Variants in MAST2 observed in about 807,000 individuals in gnomAD.
The protein encoded by MAST2 is microtubule-associated serine/threonine-protein kinase 2.
MAST2 carries 70 observed loss-of-function variants against 147.4 expected under a neutral mutation model. The observed-to-expected ratio is 0.47, with a 90% CI of 0.39 to 0.58. MAST2 has a LOEUF of 0.58. Among genes scored for constraint, MAST2 ranks in the 20% least tolerant of loss-of-function variants. MAST2 has a pLI of 0.00. For missense variants in MAST2, 2,080 were observed against 2,302.3 expected (o/e 0.90, Z 1.98); for synonymous variants, 869 against 896.8 (o/e 0.97, Z 0.55).
chr1:45,939,983 T>TTTTTTTG (rs1656951986), intron 4 of MAST2, among the ~76,000 whole-genome samples: 1 of 79,640 alleles, frequency 1.3e-5, no homozygotes, highest in East Asian at 2.6e-4. Flanking sequence ...ATTTAGGGTT[T>TTTTTTTG]TTTTTTTTTT....
intron 5 of MAST2, among the ~76,000 whole-genome samples, chr1:45,968,164 A>G (rs1319505642): frequency 1.3e-5 from 2 of 152,180 alleles, no homozygotes; most frequent in African/African-American, 4.8e-5. Flanking sequence ...AATTTAAAAC[A>G]CTTCTGGTCT....
At position 45,991,491 on chromosome 1, in the gene MAST2, C is replaced by T. The variant is rs747124667; in HGVS notation, c.593-6233C>T. The stretch of plus-strand genomic sequence containing the variant: ...AATTGCTTATAATTAACATTTTAGT[C>T]ATATTGAGTCTTCCATTATGATCAT... On this transcript the variant is annotated intron_variant, in intron 5 of 28. Coordinates refer to ENST00000361297, the MANE Select transcript of MAST2 (RefSeq NM_015112.3). Among the ~76,000 whole-genome samples, 3 of 152,314 alleles carry T rather than the reference C, an allele frequency of 2.0e-5. No individual in the cohort carries two copies. The Middle Eastern group carries it at 0.01, about 518-fold the overall frequency.
At chr1:45,883,062 G>A (rs1374714007) in intron 4 of MAST2, among the ~76,000 whole-genome samples, 1 of 152,004 alleles carries the variant, frequency 6.6e-6, no homozygotes, top group East Asian at 1.9e-4. Context: ...TCTCTGTGTT[G>A]GGGCCCAAAA....
chr1:45,951,565 A>G (rs1304340250), intron 4 of MAST2, among the ~76,000 whole-genome samples: 5 of 152,218 alleles, frequency 3.3e-5, no homozygotes, highest in Non-Finnish European at 7.3e-5. Context: ...CCTGGGTGAC[A>G]GAGTGATCCC....
chr1:45,946,753 C>T (rs1302272028), intron 4 of MAST2, among the ~76,000 whole-genome samples: 6 of 152,052 alleles, frequency 3.9e-5, no homozygotes, highest in Non-Finnish European at 8.8e-5. Flanking sequence ...CTCAAGATAG[C>T]GCTCTCTTTA....
intron 3 of MAST2, among the ~76,000 whole-genome samples, chr1:45,862,373 A>G (rs1363022974): frequency 6.6e-6 from 1 of 152,182 alleles, no homozygotes; most frequent in Non-Finnish European, 1.5e-5. Flanking sequence ...TTGGAAGGTT[A>G]AGTTACAATA....
At position 45,930,103 on chromosome 1, in the gene MAST2, G is replaced by A. The variant is rs566654471; in HGVS notation, c.501-29283G>A. ...TCCTAAAGGATGAAGTTTGTTTTGA[G>A]GGGGGATGGAATTTCTCTGTCGCCC... On this transcript the variant is annotated intron_variant, in intron 4 of 28. Coordinates refer to ENST00000361297, the MANE Select transcript of MAST2 (RefSeq NM_015112.3). 2.0e-4 allele frequency among the ~76,000 whole-genome samples: 30 copies of A among 151,098 alleles called. No homozygotes were observed. In the East Asian group the frequency reaches 4.8e-3, roughly 24 times the overall value.
intron 5 of MAST2, among the ~76,000 whole-genome samples, chr1:45,961,387 A>C (rs1413811224): frequency 2.0e-5 from 3 of 152,222 alleles, no homozygotes; most frequent in South Asian, 4.1e-4. Context: ...TTGCACAACT[A>C]ATGTGAGTAC....
chr1:45,889,655 G>T (rs1374895293), intron 4 of MAST2, among the ~76,000 whole-genome samples: 1 of 151,996 alleles, frequency 6.6e-6, no homozygotes, highest in Non-Finnish European at 1.5e-5. Context: ...TGCCAGGCTG[G>T]AGTACAGTGA....
rs116448769 is a variant in MAST2 at position 45,890,486 on chromosome 1, A to G, written c.500+8091A>G. On this transcript the variant is annotated intron_variant, in intron 4 of 28. Transcript: ENST00000361297. ...TACACCAGCCTGAGGATAGGGGCAT[A>G]GATCTGTCTCTTCTTCTTTTTCTTC... Among the ~76,000 whole-genome samples the G allele has an allele frequency of 9.3e-3, 1,414 of 152,264 alleles. 15 individuals are homozygous for G. Among genetic ancestry groups the G allele is most frequent in the African/African-American group, 0.029 (1,204 of 41,548 alleles).
intron 12 of MAST2, 108 bp from the exon 13 acceptor site, chr1:46,022,801 GC>G: frequency 1.2e-6 from 1 of 820,156 alleles, no homozygotes; most frequent in South Asian, 1.4e-5. Flanking sequence ...CTAGGCTGAT[GC>G]AAAAAGCATT....
rs1454320390 is a variant in MAST2, at chr1:46,030,613, A to G, written c.2560A>G (p.Ser854Gly). 2 of 1,609,222 alleles carry G rather than the reference A, an allele frequency of 1.2e-6. No individual in the cohort carries two copies. Among genetic ancestry groups the G allele is most frequent in the Non-Finnish European group, 1.7e-6 (2 of 1,178,596 alleles). ...SCSPRFNKVYSSMERLSLLEE... is the reference protein window; with the variant it reads ...SCSPRFNKVYGSMERLSLLEE... ...GCATCCCCTGTGCCCACAGGTGTAC[A>G]GCAGCATGGAGCGGCTCTCACTGCT... The change falls in exon 22 of 29, where the codon AGC (serine) becomes GGC (glycine). Residue 854 changes from serine (S) to glycine (G), a missense_variant. Ser to Gly is a moderately conservative substitution (Grantham distance 56). This residue lies in a region of MAST2 where 1,278 missense variants were observed against 1,304.2 expected (regional missense o/e 0.98). Coordinates refer to ENST00000361297, the MANE Select transcript of MAST2 (RefSeq NM_015112.3).
chr1:45,965,675 G>A (rs747698233), intron 5 of MAST2, among the ~76,000 whole-genome samples: 1 of 151,934 alleles, frequency 6.6e-6, no homozygotes, highest in African/African-American at 2.4e-5. Flanking sequence ...TGTCAGTTCA[G>A]TAGGTACATA....
chr1:45,870,508 A>G (rs1646340151), intron 3 of MAST2, among the ~76,000 whole-genome samples: 1 of 134,156 alleles, frequency 7.5e-6, no homozygotes, highest in Admixed American at 7.6e-5. Flanking sequence ...ATTGAGATCA[A>G]TTTGTTTATA....
chr1:45,962,705 C>G (rs1233464663), intron 5 of MAST2, among the ~76,000 whole-genome samples: 1 of 152,026 alleles, frequency 6.6e-6, no homozygotes, highest in East Asian at 1.9e-4. Context: ...CAAAAATTTT[C>G]TCCCATTCTA....
At chr1:45,932,853 C>G (rs1655537665) in intron 4 of MAST2, among the ~76,000 whole-genome samples, 1 of 152,074 alleles carries the variant, frequency 6.6e-6, no homozygotes, top group Non-Finnish European at 1.5e-5. Context: ...TTGAGAACTA[C>G]GTAACTTTCT....
intron 4 of MAST2, chr1:45,913,468 A>G: frequency 2.2e-6 from 1 of 460,990 alleles, no homozygotes; most frequent in Non-Finnish European, 2.9e-6. Flanking sequence ...GGAGGTTGCA[A>G]CTGATTTGTG....
chr1:45,815,510 G>A (rs1644425113), intron 1 of MAST2, among the ~76,000 whole-genome samples: 1 of 152,036 alleles, frequency 6.6e-6, no homozygotes. Flanking sequence ...GTTTTGAAAA[G>A]CAGAGGATTT....
chr1:45,833,745 G>A (rs1048806643), intron 3 of MAST2, among the ~76,000 whole-genome samples: 5 of 151,860 alleles, frequency 3.3e-5, no homozygotes. Flanking sequence ...GTGTCTATTT[G>A]GATTATTGGC....
Sources: allele counts gnomAD v4.1 joint callset (sites outside exome capture counted in the v4.1 genomes callset), GRCh38; gene constraint gnomAD v4.1.1; regional missense constraint gnomAD v4.1.1; transcripts MANE v1.5; gene names NCBI Gene and HGNC (gene_info 2026-07-23, HGNC 2026-07-21).